Variants in PSG3 observed in about 807,000 individuals in gnomAD.
The protein encoded by PSG3 is pregnancy-specific beta-1-glycoprotein 3.
Under a neutral mutation model 47.5 loss-of-function variants are expected in PSG3, and 61 were observed. The observed-to-expected ratio is 1.28, with a 90% CI of 1.05 to 1.59. The LOEUF (loss-of-function observed/expected upper bound fraction) is 1.59, where lower values mean the gene tolerates loss of function less well. Among genes scored for constraint, PSG3 ranks in the 40% most tolerant of loss-of-function variants. The pLI is 0.00. For missense variants in PSG3, 756 were observed against 524.0 expected (o/e 1.44, Z -4.32); for synonymous variants, 263 against 198.4 (o/e 1.33, Z -2.74).
Position 42,740,453 on chromosome 19 carries a change from C to G in PSG3, c.-69G>C. On this transcript the variant is annotated 5_prime_UTR_variant, in exon 1 of 7. Transcript: ENST00000327495. The stretch of plus-strand genomic sequence containing the variant: ...GGATCCAGAAACTTCCTGAGCATGG[C>G]TCTCAGCTGTGCTGTCCTTCCTCCT... 1 of 1,613,218 alleles carries G rather than the reference C, an allele frequency of 6.2e-7. No individual in the cohort carries two copies. The highest frequency in any genetic ancestry group is 1.1e-5 in the South Asian group (1 of 91,008).
At chr19:42,739,110 C>A (rs747113680) in intron 1 of PSG3, 21 bp from the exon 2 acceptor site, 1 of 1,586,244 alleles carries the variant, frequency 6.3e-7, no homozygotes, top group South Asian at 1.1e-5. Flanking sequence ...GAGAGAGCAT[C>A]AGTCAATATT....
chr19:42,728,301 C>T (rs1477814761), intron 5 of PSG3, among the ~76,000 whole-genome samples: 2 of 152,160 alleles, frequency 1.3e-5, no homozygotes, highest in African/African-American at 2.4e-5. Context: ...TCTATAATTA[C>T]ACACTTTTTG....
At chr19:42,737,605 C>A (rs995074389) in intron 2 of PSG3, among the ~76,000 whole-genome samples, 1 of 152,062 alleles carries the variant, frequency 6.6e-6, no homozygotes, top group Admixed American at 6.5e-5. Flanking sequence ...ATCAGTTGAC[C>A]GTTTGCTCTC....
At chr19:42,736,657 T>C (rs927068389) in intron 2 of PSG3, among the ~76,000 whole-genome samples, 2 of 123,424 alleles carry the variant, frequency 1.6e-5, no homozygotes, top group Non-Finnish European at 3.6e-5. Context: ...TGTGTGTGTG[T>C]GTGCAGGAGG....
intron 2 of PSG3, among the ~76,000 whole-genome samples, chr19:42,736,612 TTGTGTGTGTGTGTGTGTGTGTGTG>T (rs61479007): frequency 1.4e-5 from 2 of 138,654 alleles, no homozygotes; most frequent in African/African-American, 5.6e-5. Context: ...TTCAATACAT[TTGTGTGTGTGTGTGTGTGTGTGTG>T]TGTGTGTGTG....
At chr19:42,738,036 G>A (rs1490017342) in intron 2 of PSG3, among the ~76,000 whole-genome samples, 1 of 152,172 alleles carries the variant, frequency 6.6e-6, no homozygotes, top group East Asian at 1.9e-4. Flanking sequence ...CTCTGTTTCT[G>A]CTTCTGGGGA....
chr19:42,732,537 G>T (rs116983967), intron 3 of PSG3: 102,536 of 908,314 alleles, frequency 0.11, 6,707 homozygotes, highest in Admixed American at 0.18. Context: ...GCCTGAGACA[G>T]TCACCTGTTT....
rs149224578 is a variant in PSG3, at chr19:42,727,402, G to C, written c.1243+1721C>G. On this transcript the variant is annotated intron_variant, in intron 5 of 6. Coordinates refer to ENST00000327495, the MANE Select transcript of PSG3 (RefSeq NM_021016.4). The stretch of plus-strand genomic sequence containing the variant: ...TTCCAGAATACATGAAAAGCTACAA[G>C]TCAACAACAGCAAACATCCAAAAAC... 3.1e-3 allele frequency among the ~76,000 whole-genome samples: 469 copies of C among 152,264 alleles called. 2 individuals carry two copies. Among genetic ancestry groups the C allele is most frequent in the Middle Eastern group, 0.02 (6 of 294 alleles).
intron 3 of PSG3, chr19:42,731,975 C>G (rs1489082209): frequency 1.3e-5 from 2 of 151,580 alleles, no homozygotes; most frequent in Non-Finnish European, 2.9e-5. Flanking sequence ...GTGAAGGGGA[C>G]AGGCAAAAGC....
At position 42,732,771 on chromosome 19, in the gene PSG3, A is replaced by G; in HGVS notation, c.709+13T>C. The G allele has an allele frequency of 6.8e-6, 11 of 1,614,190 alleles. No individual in the cohort carries two copies. Among genetic ancestry groups the G allele is most frequent in the Non-Finnish European group, 9.3e-6 (11 of 1,180,022 alleles). ...ATGGCAGACTGGCTCACAGAGGAACAGGAGATACTCACGGAGGAGATTCAG... is the reference window on the plus strand; with the variant it reads ...ATGGCAGACTGGCTCACAGAGGAACGGGAGATACTCACGGAGGAGATTCAG... On this transcript the variant is annotated intron_variant, in intron 3 of 6. Transcript: ENST00000327495.
intron 2 of PSG3, among the ~76,000 whole-genome samples, chr19:42,736,610 ATTTGTGTG>A (rs1322750128): frequency 3.8e-5 from 4 of 104,198 alleles, no homozygotes; most frequent in South Asian, 3.4e-4. Context: ...ATTTCAATAC[ATTTGTGTG>A]TGTGTGTGTG....
At position 42,732,724 on chromosome 19, in the gene PSG3, C is replaced by G. The variant is rs1048250257; in HGVS notation, c.709+60G>C. The G allele has an allele frequency of 3.1e-6, 5 of 1,613,964 alleles. No individual in the cohort carries two copies. In the African/African-American group the frequency reaches 6.7e-5, roughly 22 times the overall value. ...ACCTGAGAGGGACTGAGAGGCCTGG[C>G]CTCTGGCCACGTGTATTTGGGATGG... On this transcript the variant is annotated intron_variant, in intron 3 of 6. Transcript: ENST00000327495.
At chr19:42,734,364 A>G (rs1423758733) in intron 2 of PSG3, among the ~76,000 whole-genome samples, 1 of 152,210 alleles carries the variant, frequency 6.6e-6, no homozygotes, top group Non-Finnish European at 1.5e-5. Context: ...TCTTTTTAGC[A>G]TCACATCAGT....
At chr19:42,725,396 A>G (rs1012549606) in intron 5 of PSG3, among the ~76,000 whole-genome samples, 2 of 152,136 alleles carry the variant, frequency 1.3e-5, no homozygotes, top group East Asian at 1.9e-4. Flanking sequence ...ACAGTGAATG[A>G]GGGAAAAATA....
At chr19:42,733,139 G>T (rs1969504667) in intron 2 of PSG3, 77 bp from the exon 3 acceptor site, 2 of 1,555,344 alleles carry the variant, frequency 1.3e-6, no homozygotes, top group Non-Finnish European at 1.7e-6. Flanking sequence ...ATCAGAGTTG[G>T]CATTTCCCAC....
rs559528997 is a variant in PSG3 at position 42,738,852 on chromosome 19, A to G, written c.302T>C (p.Val101Ala). 1.4e-5 allele frequency: 22 copies of G among 1,614,046 alleles called. No homozygotes were observed. In the African/African-American group the frequency reaches 1.7e-4, roughly 13 times the overall value. The change falls in exon 2 of 7, where the codon GTA becomes GCA. Residue 101 changes from valine to alanine, a missense_variant. Physicochemically the swap from Val to Ala is moderately conservative, Grantham distance 64. Transcript: ENST00000327495. ...GATCAGCAGGGATGCATTGGAATATACTGTTTCTCGTCCACTGTATGCAGG... is the reference window on the plus strand; with the variant it reads ...GATCAGCAGGGATGCATTGGAATATGCTGTTTCTCGTCCACTGTATGCAGG... Reference protein sequence around the residue: ...YGPAYSGRETVYSNASLLIQN... With the variant: ...YGPAYSGRETAYSNASLLIQN...
Position 42,738,875 on chromosome 19 carries a change from A to C in PSG3, c.279T>G (p.Pro93=), listed in dbSNP as rs770696141. 5.6e-6 allele frequency: 9 copies of C among 1,614,016 alleles called. No homozygotes were observed. The highest frequency in any genetic ancestry group is 5.0e-5 in the Admixed American group (3 of 59,990). ...VVDGQIIIYG[P]AYSGRETVYS... ...ATACTGTTTCTCGTCCACTGTATGC[A>C]GGCCCATATATAATTATTTGACCAT... is the stretch of plus-strand genomic sequence containing the variant. Residue 93 remains proline, a synonymous_variant, in exon 2 of 7, where the codon CCT becomes CCG. Transcript: ENST00000327495.
intron 2 of PSG3, among the ~76,000 whole-genome samples, chr19:42,737,586 TAC>T (rs550283766): frequency 1.6e-4 from 24 of 152,326 alleles, no homozygotes; most frequent in Non-Finnish European, 2.9e-4. Flanking sequence ...AGTTCTGGAA[TAC>T]AGACTAATCA....
At chr19:42,737,440 C>T (rs1969583905) in intron 2 of PSG3, among the ~76,000 whole-genome samples, 1 of 152,060 alleles carries the variant, frequency 6.6e-6, no homozygotes, top group Admixed American at 6.6e-5. Flanking sequence ...AAGGTCCTCT[C>T]CTTGATCCTC....
Sources: gnomAD v4.1 joint callset for allele counts (sites outside exome capture counted in the v4.1 genomes callset) on GRCh38, gnomAD v4.1.1 for gene constraint, MANE v1.5 for transcripts, NCBI Gene and HGNC (gene_info 2026-07-23, HGNC 2026-07-21) for gene names.